The following PTPRT variants were observed in gnomAD, a reference collection of about 807,000 sequenced individuals.
PTPRT encodes receptor-type tyrosine-protein phosphatase T.
Under a neutral mutation model 176.8 loss-of-function variants are expected in PTPRT, and 56 were observed. That is an observed-to-expected ratio of 0.32 (90% CI 0.26 to 0.40). The LOEUF (loss-of-function observed/expected upper bound fraction) is 0.40. Among genes scored for constraint, PTPRT ranks in the 10% least tolerant of loss-of-function variants. The pLI, the probability that PTPRT is intolerant of heterozygous loss-of-function variation, is 1.00. For missense variants in PTPRT, 1,540 were observed against 1,908.2 expected (o/e 0.81, Z 3.60); for synonymous variants, 783 against 739.0 (o/e 1.06, Z -0.96).
In PTPRT at chr20:42,082,030, C is replaced by A; in HGVS notation, c.4137-13G>T. ...GCCTCCCCCATTTCTAAACACAGAG[C>A]AAAGAGGTGAGCCATGTTCCTAGGT... On this transcript the variant is annotated splice_polypyrimidine_tract_variant and intron_variant, in intron 29 of 30. Transcript: ENST00000373187. The A allele has an allele frequency of 6.2e-7, 1 of 1,614,086 alleles. No homozygotes were observed. The highest frequency in any genetic ancestry group is 8.5e-7 in the Non-Finnish European group (1 of 1,180,012).
intron 18 of PTPRT, among the ~76,000 whole-genome samples, chr20:42,139,951 A>C (rs190210416): frequency 6.6e-6 from 1 of 152,384 alleles, no homozygotes; most frequent in Admixed American, 6.5e-5. Context: ...ACTTCTCAAC[A>C]CTTCACTTGC....
At chr20:42,312,633 C>G (rs2057651583) in intron 12 of PTPRT, among the ~76,000 whole-genome samples, 1 of 152,128 alleles carries the variant, frequency 6.6e-6, no homozygotes, top group Non-Finnish European at 1.5e-5. Context: ...GGCATAAGCA[C>G]TCATCCAATT....
chr20:42,845,481 G>C (rs1032462562), intron 2 of PTPRT, among the ~76,000 whole-genome samples: 1 of 152,208 alleles, frequency 6.6e-6, no homozygotes, highest in Non-Finnish European at 1.5e-5. Flanking sequence ...GTGTGACAGA[G>C]TGTGTGGTCT....
In PTPRT at chr20:42,107,455, C is replaced by T. The variant is rs1288222527; in HGVS notation, c.3255-534G>A. Among the ~76,000 whole-genome samples the T allele has an allele frequency of 3.9e-5, 6 of 152,188 alleles. No individual in the cohort carries two copies. In the East Asian group the frequency reaches 5.8e-4, roughly 15 times the overall value. Reference sequence around the variant, plus strand: ...CATGAAACTGGAGCAGCTGACCGTCCGGAGACCCTTGTCAGGGATCAAGTT... The same window carrying T: ...CATGAAACTGGAGCAGCTGACCGTCTGGAGACCCTTGTCAGGGATCAAGTT... On this transcript the variant is annotated intron_variant, in intron 23 of 30. Transcript: ENST00000373187.
chr20:42,652,080 C>CAAAAAAAAAAAAAAAAAAAAAAAAA (rs370533271), intron 7 of PTPRT, among the ~76,000 whole-genome samples: 1 of 135,298 alleles, frequency 7.4e-6, no homozygotes. Flanking sequence ...ACAAAAAAAA[C>CAAAAAAAAAAAAAAAAAAAAAAAAA]AAAAAAAAAA....
chr20:42,039,172 T>G, the PTPRT span, among the ~76,000 whole-genome samples: 1 of 152,158 alleles, frequency 6.6e-6, no homozygotes, highest in East Asian at 1.9e-4. Context: ...GCTTTCTTCT[T>G]TTGTCCCCAT....
At chr20:42,475,448 C>T (rs2145305430) in intron 7 of PTPRT, among the ~76,000 whole-genome samples, 1 of 152,268 alleles carries the variant, frequency 6.6e-6, no homozygotes, top group East Asian at 1.9e-4. Context: ...AATAATTGGC[C>T]TAAAGCCACA....
chr20:42,053,921 A>G, the PTPRT span, among the ~76,000 whole-genome samples: 6 of 152,158 alleles, frequency 3.9e-5, no homozygotes, highest in Non-Finnish European at 8.8e-5. Flanking sequence ...AGAGGGGTCT[A>G]TCTTTCATCA....
intron 18 of PTPRT, among the ~76,000 whole-genome samples, chr20:42,130,810 T>C (rs6124418): frequency 0.087 from 13,191 of 151,970 alleles, 713 homozygotes; most frequent in East Asian, 0.22. Flanking sequence ...TTTGGGTGAG[T>C]GGGAGAGTGG....
chr20:42,842,543 C>G (rs977989542), intron 2 of PTPRT, among the ~76,000 whole-genome samples: 1 of 152,070 alleles, frequency 6.6e-6, no homozygotes, highest in Non-Finnish European at 1.5e-5. Flanking sequence ...CCTCCGCCCC[C>G]CGAGTAGCTG....
intron 2 of PTPRT, among the ~76,000 whole-genome samples, chr20:42,856,939 G>T (rs909420534): frequency 5.9e-5 from 9 of 152,118 alleles, no homozygotes; most frequent in African/African-American, 1.9e-4. Flanking sequence ...GTAAAAAGGG[G>T]CACTGGACTA....
chr20:42,662,713 C>T (rs2075245301), intron 7 of PTPRT, among the ~76,000 whole-genome samples: 1 of 152,152 alleles, frequency 6.6e-6, no homozygotes, highest in East Asian at 1.9e-4. Context: ...GAAAGCAAAC[C>T]CCCTATTTAA....
intron 27 of PTPRT, among the ~76,000 whole-genome samples, chr20:42,091,562 A>G (rs1984622940): frequency 6.6e-6 from 1 of 152,232 alleles, no homozygotes; most frequent in Non-Finnish European, 1.5e-5. Context: ...TGCGACCCAG[A>G]GTGAAGAAAT....
chr20:42,600,097 T>G (rs930448245), intron 7 of PTPRT, among the ~76,000 whole-genome samples: 5 of 152,166 alleles, frequency 3.3e-5, no homozygotes, highest in African/African-American at 1.2e-4. Context: ...TTTTTATTTT[T>G]TAAAATTTTA....
intron 14 of PTPRT, among the ~76,000 whole-genome samples, chr20:42,236,580 C>T (rs951977674): frequency 1.7e-4 from 25 of 148,992 alleles, no homozygotes; most frequent in African/African-American, 5.9e-4. Flanking sequence ...AAACTAGATT[C>T]CTTGTAATTA....
intron 1 of PTPRT, among the ~76,000 whole-genome samples, chr20:42,903,070 C>T (rs567107796): frequency 1.3e-5 from 2 of 152,326 alleles, no homozygotes; most frequent in South Asian, 4.1e-4. Flanking sequence ...CGGCTCTTGA[C>T]ATGACATAAT....
chr20:42,082,412 A>T (rs752844703), intron 29 of PTPRT, among the ~76,000 whole-genome samples: 1 of 152,194 alleles, frequency 6.6e-6, no homozygotes, highest in Non-Finnish European at 1.5e-5. Flanking sequence ...ATCCTTGCTG[A>T]TGCTTGCATC....
At chr20:43,146,651 G>A (rs531575262) in intron 1 of PTPRT, among the ~76,000 whole-genome samples, 1 of 152,116 alleles carries the variant, frequency 6.6e-6, no homozygotes, top group African/African-American at 2.4e-5. Flanking sequence ...AGACTGTCTG[G>A]GGGTACTGAG....
chr20:42,369,110 A>C (rs1311801653), intron 9 of PTPRT, among the ~76,000 whole-genome samples: 1 of 136,964 alleles, frequency 7.3e-6, no homozygotes, highest in African/African-American at 2.8e-5. Context: ...CCTTCCTTCC[A>C]TCCATCCGTC....
Sources: allele counts gnomAD v4.1 joint callset (sites outside exome capture counted in the v4.1 genomes callset), GRCh38; gene constraint gnomAD v4.1.1; transcripts MANE v1.5; gene names NCBI Gene and HGNC (gene_info 2026-07-23, HGNC 2026-07-21).